Variants in SGCZ observed in about 807,000 individuals in gnomAD.
SGCZ encodes zeta-sarcoglycan.
In SGCZ, 40 loss-of-function variants were observed where a neutral mutation model predicts 41.3. The observed-to-expected ratio is 0.97, with a 90% CI of 0.75 to 1.26. SGCZ has a LOEUF of 1.26. Among genes scored for constraint, SGCZ ranks in the 50% most tolerant of loss-of-function variants. The pLI, the probability that SGCZ is intolerant of heterozygous loss-of-function variation, is 0.00. For missense variants in SGCZ, 552 were observed against 369.8 expected (o/e 1.49, Z -4.04); for synonymous variants, 206 against 137.5 (o/e 1.50, Z -3.49).
At chr8:15,047,595 G>C (rs1276379398) in intron 1 of SGCZ, among the ~76,000 whole-genome samples, 7 of 151,970 alleles carry the variant, frequency 4.6e-5, no homozygotes, top group African/African-American at 1.7e-4. Flanking sequence ...TAGAGAGAGA[G>C]TACAGGGATC....
intron 2 of SGCZ, among the ~76,000 whole-genome samples, chr8:14,513,364 G>C (rs900971304): frequency 6.6e-6 from 1 of 151,940 alleles, no homozygotes; most frequent in Non-Finnish European, 1.5e-5. Context: ...ACACGAAAAA[G>C]TATTTCATTT....
At chr8:15,118,839 G>A (rs1902081) in intron 1 of SGCZ, among the ~76,000 whole-genome samples, 70,775 of 151,930 alleles carry the variant, frequency 0.47, 19,043 homozygotes, top group Admixed American at 0.63. Context: ...ATAAATATAT[G>A]CCTTTAAGTA....
intron 1 of SGCZ, among the ~76,000 whole-genome samples, chr8:15,235,043 C>G (rs1012877483): frequency 6.6e-6 from 1 of 152,106 alleles, no homozygotes; most frequent in African/African-American, 2.4e-5. Flanking sequence ...TAAGAAAAGT[C>G]AAAACATGCA....
chr8:15,195,749 A>T (rs1362650892), intron 1 of SGCZ, among the ~76,000 whole-genome samples: 1 of 151,976 alleles, frequency 6.6e-6, no homozygotes, highest in Non-Finnish European at 1.5e-5. Flanking sequence ...TTTTTCATCT[A>T]AAAAAAACTT....
chr8:14,366,850 T>A (rs1239816587), intron 2 of SGCZ, among the ~76,000 whole-genome samples: 1 of 152,090 alleles, frequency 6.6e-6, no homozygotes, highest in South Asian at 2.1e-4. Context: ...AAACCTTTTT[T>A]CCCTCCTAGG....
At chr8:14,519,237 C>T (rs1380342028) in intron 2 of SGCZ, among the ~76,000 whole-genome samples, 1 of 151,984 alleles carries the variant, frequency 6.6e-6, no homozygotes, top group Admixed American at 6.6e-5. Flanking sequence ...AAGCTGTTTT[C>T]TTAAACCTTA....
In SGCZ at chr8:15,238,208, G is replaced by A. The variant is rs889967726; in HGVS notation, c.-585C>T. On this transcript the variant is annotated 5_prime_UTR_variant, in exon 1 of 8. Coordinates refer to ENST00000382080, the MANE Select transcript of SGCZ (RefSeq NM_139167.4). ...GACTTAAAAAATGTCTTGTAGCTGA[G>A]AGGTATTTTCTCAGTGGGGAAAAGA... 6.6e-6 allele frequency: 1 copy of A among 152,480 alleles called. No homozygotes were observed. Among genetic ancestry groups the A allele is most frequent in the South Asian group, 2.1e-4 (1 of 4,824 alleles). The allele number at this position is 152,480 out of a possible 1,614,324, so 9.4% of individuals were successfully genotyped here. A position where few individuals can be genotyped will look rare whatever the true frequency, so the allele number is the denominator to read the frequency against.
intron 4 of SGCZ, among the ~76,000 whole-genome samples, chr8:14,229,012 G>A (rs752797395): frequency 6.6e-5 from 10 of 152,096 alleles, no homozygotes; most frequent in Non-Finnish European, 1.0e-4. Flanking sequence ...AGTGATTGAT[G>A]TTAAACAAGG....
chr8:14,733,104 A>T (rs895703947), intron 1 of SGCZ, among the ~76,000 whole-genome samples: 2 of 151,826 alleles, frequency 1.3e-5, no homozygotes, highest in African/African-American at 4.9e-5. Flanking sequence ...CAAGTAAAAC[A>T]ATCAATCCAC....
chr8:14,397,028 G>A (rs575684400), intron 2 of SGCZ, among the ~76,000 whole-genome samples: 1 of 152,152 alleles, frequency 6.6e-6, no homozygotes, highest in East Asian at 1.9e-4. Context: ...GAACTTTACA[G>A]GACTCAAATT....
At chr8:14,893,979 C>G (rs1805109942) in intron 1 of SGCZ, among the ~76,000 whole-genome samples, 1 of 152,002 alleles carries the variant, frequency 6.6e-6, no homozygotes, top group African/African-American at 2.4e-5. Flanking sequence ...ACTTTTTAAC[C>G]CAGGGCAGAA....
At chr8:15,016,679 T>G (rs1803048354) in intron 1 of SGCZ, among the ~76,000 whole-genome samples, 1 of 152,186 alleles carries the variant, frequency 6.6e-6, no homozygotes, top group Non-Finnish European at 1.5e-5. Context: ...ACATAAGTAA[T>G]GTGTTAGTCT....
At chr8:14,296,961 G>A (rs7813850) in intron 3 of SGCZ, among the ~76,000 whole-genome samples, 39,307 of 151,474 alleles carry the variant, frequency 0.26, 7,075 homozygotes, top group African/African-American at 0.51. Flanking sequence ...CGCTCTTGTT[G>A]CCCAAGCTGG....
intron 1 of SGCZ, among the ~76,000 whole-genome samples, chr8:15,031,052 C>T (rs1803641614): frequency 6.6e-6 from 1 of 151,932 alleles, no homozygotes; most frequent in Non-Finnish European, 1.5e-5. Context: ...TTTAGATTCT[C>T]AAATCATATT....
intron 2 of SGCZ, among the ~76,000 whole-genome samples, chr8:14,455,455 TACAC>T (rs5889534): frequency 0.023 from 3,325 of 144,140 alleles, 39 homozygotes; most frequent in South Asian, 0.035. Context: ...TTTGCATGCA[TACAC>T]ACACACACAC....
At chr8:14,428,829 A>G (rs1421171224) in intron 2 of SGCZ, among the ~76,000 whole-genome samples, 5 of 152,250 alleles carry the variant, frequency 3.3e-5, no homozygotes, top group African/African-American at 1.2e-4. Flanking sequence ...TCACATGTAG[A>G]TATAAGTTCA....
intron 1 of SGCZ, among the ~76,000 whole-genome samples, chr8:14,678,183 A>C (rs1186705579): frequency 6.6e-6 from 1 of 152,230 alleles, no homozygotes; most frequent in Middle Eastern, 3.2e-3. Flanking sequence ...ACAAAGAATT[A>C]ATAAATTGGA....
intron 1 of SGCZ, among the ~76,000 whole-genome samples, chr8:14,787,191 AG>A (rs1291502823): frequency 6.6e-6 from 1 of 152,170 alleles, no homozygotes; most frequent in East Asian, 1.9e-4. Context: ...CCCCATCTGC[AG>A]GGGCTGTTAC....
At position 14,671,667 on chromosome 8, in the gene SGCZ, C is replaced by A. The variant is rs370743992; in HGVS notation, c.40-116741G>T. 8.6e-4 allele frequency among the ~76,000 whole-genome samples: 131 copies of A among 152,222 alleles called. 1 individual carries two copies. The highest frequency in any genetic ancestry group is 3.0e-3 in the African/African-American group (123 of 41,550). Reference sequence around the variant, plus strand: ...AAACTAAGCCTGAGACATTTATATTCTTAACATTCAAACCATGCATTTTCA... The same window carrying A: ...AAACTAAGCCTGAGACATTTATATTATTAACATTCAAACCATGCATTTTCA... On this transcript the variant is annotated intron_variant, in intron 1 of 7. Coordinates refer to ENST00000382080, the MANE Select transcript of SGCZ (RefSeq NM_139167.4).
Sources: gnomAD v4.1 joint callset for allele counts (sites outside exome capture counted in the v4.1 genomes callset) on GRCh38, gnomAD v4.1.1 for gene constraint, MANE v1.5 for transcripts, NCBI Gene and HGNC (gene_info 2026-07-23, HGNC 2026-07-21) for gene names.